Variants in SAMD4A observed in about 807,000 individuals in gnomAD.
SAMD4A encodes sterile alpha motif domain containing 4A, also known as protein Smaug homolog 1.
A neutral mutation model predicts 81.3 loss-of-function variants in SAMD4A; 33 were observed. That is an observed-to-expected ratio of 0.41 (90% CI 0.31 to 0.54). SAMD4A has a LOEUF of 0.54. Ranked by LOEUF, SAMD4A falls within the 20% of genes least tolerant of loss-of-function variation. SAMD4A has a pLI of 0.37. For synonymous variants in SAMD4A, 389 were observed against 382.1 expected, an observed-to-expected ratio of 1.02 and a Z score of -0.21; for missense variants, 854 against 951.1, an observed-to-expected ratio of 0.90 and a Z score of 1.34.
intron 3 of SAMD4A, among the ~76,000 whole-genome samples, chr14:54,726,356 T>C (rs991826055): frequency 1.1e-4 from 17 of 152,252 alleles, no homozygotes; most frequent in Non-Finnish European, 4.4e-5. Context: ...GTTCAAAATA[T>C]CATTTACTTT....
At chr14:54,677,041 G>C (rs1006089517) in intron 2 of SAMD4A, among the ~76,000 whole-genome samples, 1 of 152,140 alleles carries the variant, frequency 6.6e-6, no homozygotes, top group Non-Finnish European at 1.5e-5. Context: ...TGTTTCCGTC[G>C]TTTAGTTATC....
chr14:54,759,343 C>T (rs372639855), intron 6 of SAMD4A, among the ~76,000 whole-genome samples: 3 of 152,170 alleles, frequency 2.0e-5, no homozygotes, highest in Admixed American at 2.0e-4. Context: ...CATCGCAGGC[C>T]TCCTTGCTGT....
intron 2 of SAMD4A, chr14:54,693,325 T>C (rs976097050): frequency 2.0e-5 from 3 of 152,230 alleles, no homozygotes; most frequent in Non-Finnish European, 4.4e-5. Context: ...ATCTTAAGCC[T>C]TCCATTTAAA....
chr14:54,571,019 G>C (rs917207573), intron 2 of SAMD4A, among the ~76,000 whole-genome samples: 2 of 109,318 alleles, frequency 1.8e-5, no homozygotes, highest in African/African-American at 5.8e-5. Context: ...TATGGGACTC[G>C]ATCTCAGTAT....
chr14:54,751,607 G>A (rs2038103124), intron 6 of SAMD4A, 70 bp downstream of exon 6: 2 of 999,376 alleles, frequency 2.0e-6, no homozygotes, highest in Non-Finnish European at 3.2e-6. Flanking sequence ...ATTCTCCACT[G>A]GAAGTGTCAT....
chr14:54,679,207 A>G (rs2036072476), intron 2 of SAMD4A, among the ~76,000 whole-genome samples: 2 of 152,176 alleles, frequency 1.3e-5, no homozygotes, highest in African/African-American at 4.8e-5. Flanking sequence ...TAATGTGTCT[A>G]CAATGCATTG....
At chr14:54,719,453 A>G (rs1003228427) in intron 3 of SAMD4A, among the ~76,000 whole-genome samples, 2 of 152,180 alleles carry the variant, frequency 1.3e-5, no homozygotes, top group Non-Finnish European at 2.9e-5. Flanking sequence ...TCCCAAATCT[A>G]GCAATGGAGG....
At position 54,776,628 on chromosome 14, in the gene SAMD4A, C is replaced by T. The variant is rs2038857686; in HGVS notation, c.2044+88C>T. On this transcript the variant is annotated intron_variant, in intron 11 of 12. Transcript: ENST00000554335. ...AACCCAGCCAGAAAGTGCTTAGCCT[C>T]GACTGTCACCGTGCATTCTTTGGAG... 8.2e-6 allele frequency: 11 copies of T among 1,338,074 alleles called. No individual in the cohort carries two copies. The South Asian group carries it at 2.0e-4, about 24-fold the overall frequency. The allele number at this position is 1,338,074 out of a possible 1,614,324, so 82.9% of individuals were successfully genotyped here.
At chr14:54,729,114 G>T (rs73273349) in intron 3 of SAMD4A, among the ~76,000 whole-genome samples, 90 of 152,238 alleles carry the variant, frequency 5.9e-4, no homozygotes, top group African/African-American at 2.0e-3. Context: ...GATTTGTTCA[G>T]CGACTCTGGC....
At position 54,687,527 on chromosome 14, in the gene SAMD4A, C is replaced by T. The variant is rs144279654; in HGVS notation, c.197-14535C>T. On this transcript the variant is annotated intron_variant, in intron 2 of 12. Transcript: ENST00000554335. ...CCACTGCAAACAAGTTGTGCTCATG[C>T]TCCTAAATGGGGTATGTTACTAAGC... 3.1e-3 allele frequency: 1,161 copies of T among 372,822 alleles called. 5 individuals carry two copies. The highest frequency in any genetic ancestry group is 4.5e-3 in the Non-Finnish European group (850 of 189,828). The allele number at this position is 372,822 out of a possible 1,614,324, so 23.1% of individuals were successfully genotyped here.
At chr14:54,602,375 C>T (rs564203931) in intron 2 of SAMD4A, among the ~76,000 whole-genome samples, 12 of 134,670 alleles carry the variant, frequency 8.9e-5, no homozygotes, top group Middle Eastern at 4.0e-3. Flanking sequence ...CACACACACA[C>T]GAAACACCAG....
intron 3 of SAMD4A, among the ~76,000 whole-genome samples, chr14:54,722,711 T>C (rs1328268384): frequency 2.0e-5 from 3 of 152,312 alleles, no homozygotes; most frequent in East Asian, 1.9e-4. Context: ...TCTAATCATG[T>C]ATTTAATGTT....
intron 11 of SAMD4A, 198 bp from the exon 12 acceptor site, chr14:54,784,339 G>C: frequency 6.4e-7 from 1 of 1,553,002 alleles, no homozygotes; most frequent in Non-Finnish European, 8.7e-7. Context: ...TTTTGTTCCA[G>C]GTTCCCAAGT....
intron 2 of SAMD4A, chr14:54,681,686 C>A: frequency 1.9e-6 from 1 of 538,920 alleles, no homozygotes. Context: ...CCCACTTTGG[C>A]CTCCTAAAGT....
chr14:54,585,665 C>A (rs761261861), intron 2 of SAMD4A, among the ~76,000 whole-genome samples: 8 of 152,160 alleles, frequency 5.3e-5, no homozygotes, highest in Non-Finnish European at 1.2e-4. Context: ...TAGCGTAACT[C>A]CCACATATGA....
intron 2 of SAMD4A, among the ~76,000 whole-genome samples, chr14:54,620,001 A>G (rs1468856051): frequency 1.3e-5 from 2 of 151,722 alleles, no homozygotes; most frequent in Admixed American, 1.3e-4. Context: ...GGGAACTTCT[A>G]TCATCTAGAT....
Position 54,671,393 on chromosome 14 carries a change from G to T in SAMD4A, c.197-30669G>T, listed in dbSNP as rs527557895. Among the ~76,000 whole-genome samples the T allele has an allele frequency of 5.3e-5, 8 of 152,302 alleles. No homozygotes were observed. In the South Asian group the frequency reaches 1.7e-3, roughly 32 times the overall value. ...ATCTGGATAATAATAGTACCTAGGGGTGTTGTAAGGATTAAGTGAGATATG... is the reference window on the plus strand; with the variant it reads ...ATCTGGATAATAATAGTACCTAGGGTTGTTGTAAGGATTAAGTGAGATATG... On this transcript the variant is annotated intron_variant, in intron 2 of 12. Transcript: ENST00000554335.
Position 54,688,240 on chromosome 14 carries a change from G to A in SAMD4A, c.197-13822G>A, listed in dbSNP as rs776898325. The A allele has an allele frequency of 8.5e-5, 84 of 985,252 alleles. No homozygotes were observed. The South Asian group carries it at 8.9e-4, about 10-fold the overall frequency. The allele number at this position is 985,252 out of a possible 1,614,324, so 61.0% of individuals were successfully genotyped here. ...TTACTGCATGTCTTGTGGGTTCATCGTCAGACCAGTGAGTTGATACCAAAC... is the reference window on the plus strand; with the variant it reads ...TTACTGCATGTCTTGTGGGTTCATCATCAGACCAGTGAGTTGATACCAAAC... On this transcript the variant is annotated intron_variant, in intron 2 of 12. Coordinates refer to ENST00000554335, the MANE Select transcript of SAMD4A (RefSeq NM_015589.6).
chr14:54,655,289 C>G (rs2035494356), intron 2 of SAMD4A, among the ~76,000 whole-genome samples: 1 of 152,164 alleles, frequency 6.6e-6, no homozygotes, highest in Non-Finnish European at 1.5e-5. Context: ...GTGGCAATTA[C>G]GGCACACACT....
Sources: allele counts gnomAD v4.1 joint callset (sites outside exome capture counted in the v4.1 genomes callset), GRCh38; gene constraint gnomAD v4.1.1; transcripts MANE v1.5; gene names NCBI Gene and HGNC (gene_info 2026-07-23, HGNC 2026-07-21).